GPC5: variants seen among roughly 807,000 people sequenced by gnomAD.
GPC5 encodes the protein glypican-5.
Under a neutral mutation model 53.9 loss-of-function variants are expected in GPC5, and 47 were observed. That is an observed-to-expected ratio of 0.87 (90% CI 0.69 to 1.11). The LOEUF (loss-of-function observed/expected upper bound fraction) is 1.11, where lower values mean the gene tolerates loss of function less well. Ranked by LOEUF, GPC5 falls within the 50% of genes most tolerant of loss-of-function variation. The probability of loss-of-function intolerance (pLI) is 0.00; values close to 1 mark genes in which losing one functional copy is unlikely to be tolerated. For missense variants in GPC5, 748 were observed against 713.1 expected (o/e 1.05, Z -0.56); for synonymous variants, 286 against 263.3 (o/e 1.09, Z -0.84).
intron 5 of GPC5, among the ~76,000 whole-genome samples, chr13:91,810,489 G>A (rs534127120): frequency 4.3e-4 from 65 of 151,990 alleles, no homozygotes; most frequent in African/African-American, 1.5e-3. Context: ...CTGTATAAGA[G>A]AACTCTCTCT....
At chr13:92,098,401 C>T (rs182981651) in intron 6 of GPC5, among the ~76,000 whole-genome samples, 3 of 152,232 alleles carry the variant, frequency 2.0e-5, no homozygotes. Flanking sequence ...TATCTCAGAC[C>T]TGTCCTAATT....
At chr13:92,158,773 T>C (rs2041964311) in intron 7 of GPC5, among the ~76,000 whole-genome samples, 1 of 152,208 alleles carries the variant, frequency 6.6e-6, no homozygotes, top group African/African-American at 2.4e-5. Context: ...AAAACTGTTT[T>C]TTGCTGAGAT....
chr13:92,472,606 T>TG (rs1390095240), intron 7 of GPC5, among the ~76,000 whole-genome samples: 2 of 152,114 alleles, frequency 1.3e-5, no homozygotes, highest in African/African-American at 4.8e-5. Flanking sequence ...CCTAAGTAGT[T>TG]TAACAAATAC....
chr13:92,392,255 G>T (rs1351263226), intron 7 of GPC5, among the ~76,000 whole-genome samples: 2 of 152,060 alleles, frequency 1.3e-5, no homozygotes, highest in East Asian at 3.9e-4. Context: ...TTTTGGGACA[G>T]ATGTCTATAG....
chr13:92,569,488 A>G (rs1273609565), intron 7 of GPC5, among the ~76,000 whole-genome samples: 1 of 152,112 alleles, frequency 6.6e-6, no homozygotes. Context: ...GGTTCTTGAA[A>G]TAGGAGCTCA....
intron 7 of GPC5, among the ~76,000 whole-genome samples, chr13:92,818,029 T>A (rs1877539687): frequency 1.4e-5 from 2 of 140,972 alleles, no homozygotes; most frequent in South Asian, 4.6e-4. Flanking sequence ...TTTTTTTTTC[T>A]TGAGATGGAG....
At chr13:91,614,742 G>A (rs989422362) in intron 2 of GPC5, among the ~76,000 whole-genome samples, 12 of 152,074 alleles carry the variant, frequency 7.9e-5, no homozygotes, top group African/African-American at 2.9e-4. Context: ...TGGGATTCAG[G>A]GACCAGTAGA....
At chr13:92,362,308 G>T (rs1197682803) in intron 7 of GPC5, among the ~76,000 whole-genome samples, 2 of 151,684 alleles carry the variant, frequency 1.3e-5, no homozygotes, top group Non-Finnish European at 2.9e-5. Context: ...TACACAGTGG[G>T]TATTGTTATT....
At chr13:91,447,354 T>C (rs1435051100) in intron 1 of GPC5, among the ~76,000 whole-genome samples, 1 of 152,080 alleles carries the variant, frequency 6.6e-6, no homozygotes, top group East Asian at 1.9e-4. Flanking sequence ...CAAATAATTT[T>C]ACTGTTTGAA....
chr13:92,438,392 A>C, intron 7 of GPC5, among the ~76,000 whole-genome samples: 1 of 148,726 alleles, frequency 6.7e-6, no homozygotes, highest in Non-Finnish European at 1.5e-5. Context: ...AAATATATAT[A>C]TATATATATA....
intron 2 of GPC5, among the ~76,000 whole-genome samples, chr13:91,526,586 T>A (rs1031397950): frequency 6.6e-6 from 1 of 152,234 alleles, no homozygotes; most frequent in African/African-American, 2.4e-5. Context: ...CAAGGTATCT[T>A]GCCTTTCTAA....
intron 7 of GPC5, among the ~76,000 whole-genome samples, chr13:92,619,554 A>C (rs1157292620): frequency 5.3e-5 from 8 of 152,148 alleles, no homozygotes; most frequent in African/African-American, 1.7e-4. Flanking sequence ...AAAGATGATA[A>C]GATTTTTCTC....
intron 7 of GPC5, among the ~76,000 whole-genome samples, chr13:92,791,084 A>G (rs1056595648): frequency 1.3e-5 from 2 of 152,104 alleles, no homozygotes; most frequent in African/African-American, 2.4e-5. Context: ...TTCAACAGTC[A>G]GTTAGAATAA....
intron 7 of GPC5, among the ~76,000 whole-genome samples, chr13:92,709,883 G>A (rs972674999): frequency 1.3e-5 from 2 of 152,178 alleles, no homozygotes; most frequent in African/African-American, 4.8e-5. Context: ...TTTGGTCTTG[G>A]CCATAGCTCC....
intron 7 of GPC5, among the ~76,000 whole-genome samples, chr13:92,238,767 G>A (rs2042588174): frequency 7.9e-6 from 1 of 127,328 alleles, no homozygotes; most frequent in Admixed American, 8.3e-5. Flanking sequence ...TTTTAATTTT[G>A]ATGTTCAATT....
rs34336057 is a variant in GPC5 at position 92,632,463 on chromosome 13, C to CATATATAT, written c.1562-233803_1562-233796dup. 1.2e-3 allele frequency among the ~76,000 whole-genome samples: 144 copies of CATATATAT among 120,074 alleles called. 1 individual carries two copies. Among genetic ancestry groups the CATATATAT allele is most frequent in the South Asian group, 5.1e-3 (18 of 3,508 alleles). The allele number at this position is 120,074 out of a possible 152,430, so 78.8% of individuals were successfully genotyped here. On this transcript the variant is annotated intron_variant, in intron 7 of 7. Coordinates refer to ENST00000377067, the MANE Select transcript of GPC5 (RefSeq NM_004466.6). ...TTCTTTTGGAGGAGAAAATATTCCA[C>CATATATAT]ATATATATATATATATATATATACA...
intron 2 of GPC5, among the ~76,000 whole-genome samples, chr13:91,567,542 A>G (rs933729343): frequency 3.3e-5 from 5 of 152,164 alleles, no homozygotes; most frequent in African/African-American, 1.2e-4. Context: ...GTTTTTTAAT[A>G]GAGATTTCCA....
At chr13:92,602,197 AATAT>A (rs562433719) in intron 7 of GPC5, among the ~76,000 whole-genome samples, 2 of 133,948 alleles carry the variant, frequency 1.5e-5, no homozygotes, top group East Asian at 2.1e-4. Context: ...CATATATATA[AATAT>A]ATATATTACA....
intron 7 of GPC5, among the ~76,000 whole-genome samples, chr13:92,624,128 G>A (rs1884970684): frequency 6.6e-6 from 1 of 150,380 alleles, no homozygotes; most frequent in South Asian, 2.1e-4. Flanking sequence ...AGGGTGGAGT[G>A]CAGTGGCTCA....
Sources: gnomAD v4.1 joint callset for allele counts (sites outside exome capture counted in the v4.1 genomes callset) on GRCh38, gnomAD v4.1.1 for gene constraint, MANE v1.5 for transcripts, NCBI Gene and HGNC (gene_info 2026-07-23, HGNC 2026-07-21) for gene names.